The following PRDM10 variants were observed in gnomAD, a reference collection of about 807,000 sequenced individuals.
PRDM10 encodes the protein PR domain zinc finger protein 10.
A neutral mutation model predicts 133.1 loss-of-function variants in PRDM10; 65 were observed. That is an observed-to-expected ratio of 0.49 (90% CI 0.40 to 0.60). PRDM10 has a LOEUF of 0.60. Among genes scored for constraint, PRDM10 ranks in the 20% least tolerant of loss-of-function variants. PRDM10 has a pLI of 0.00. For synonymous variants in PRDM10, 582 were observed against 580.4 expected (o/e 1.00, Z -0.04); for missense variants, 1,137 against 1,507.1 (o/e 0.75, Z 4.07).
intron 13 of PRDM10, among the ~76,000 whole-genome samples, chr11:129,921,056 C>T (rs1378447260): frequency 6.6e-6 from 1 of 152,186 alleles, no homozygotes; most frequent in Non-Finnish European, 1.5e-5. Context: ...CTTGGCCTCC[C>T]AAAGTGCTGG....
In PRDM10 at chr11:129,955,586, G is replaced by T; in HGVS notation, c.235-15C>A. ...GTAAACAGAGTCTAAACAAACAAAC[G>T]AACAAAAAATTATCAGTAGCTCTTT... On this transcript the variant is annotated splice_polypyrimidine_tract_variant and intron_variant, in intron 3 of 20. Transcript: ENST00000360871. 6.2e-7 allele frequency: 1 copy of T among 1,611,764 alleles called. No individual in the cohort carries two copies.
intron 4 of PRDM10, among the ~76,000 whole-genome samples, chr11:129,952,132 G>A (rs2135901460): frequency 6.6e-6 from 1 of 152,334 alleles, no homozygotes; most frequent in African/African-American, 2.4e-5. Flanking sequence ...GGTTTGTGGA[G>A]CTGAGTACAA....
intron 19 of PRDM10, among the ~76,000 whole-genome samples, chr11:129,909,924 T>C (rs1277959125): frequency 1.3e-5 from 2 of 152,258 alleles, no homozygotes; most frequent in African/African-American, 2.4e-5. Context: ...CTCTGTTTAC[T>C]AGCTCTTGGA....
chr11:129,977,391 A>C (rs892880354), intron 1 of PRDM10, among the ~76,000 whole-genome samples: 2 of 151,658 alleles, frequency 1.3e-5, no homozygotes, highest in Non-Finnish European at 2.9e-5. Flanking sequence ...TCAAACGATT[A>C]TCCTGCCTCA....
chr11:129,968,977 A>G (rs1366498119), intron 1 of PRDM10, among the ~76,000 whole-genome samples: 1 of 152,166 alleles, frequency 6.6e-6, no homozygotes, highest in African/African-American at 2.4e-5. Context: ...GCAGCAAAAA[A>G]GGCTGGGTAG....
chr11:129,912,503 G>A (rs997119046), intron 17 of PRDM10, among the ~76,000 whole-genome samples: 31 of 152,246 alleles, frequency 2.0e-4, no homozygotes, highest in African/African-American at 7.5e-4. Flanking sequence ...TGTAATCCCA[G>A]CACTTTGGGA....
intron 1 of PRDM10, among the ~76,000 whole-genome samples, chr11:129,995,138 A>G (rs1035624839): frequency 6.6e-6 from 1 of 152,220 alleles, no homozygotes; most frequent in Non-Finnish European, 1.5e-5. Context: ...ATTACCATTC[A>G]TGGGTCCTTA....
At chr11:130,000,235 G>A (rs1318923751) in intron 1 of PRDM10, among the ~76,000 whole-genome samples, 25 of 152,086 alleles carry the variant, frequency 1.6e-4, no homozygotes, top group Non-Finnish European at 4.4e-5. Context: ...GTAGAGACAG[G>A]CTTTCACCAT....
chr11:129,955,438 C>T, intron 4 of PRDM10, 74 bp downstream of exon 4: 1 of 1,443,718 alleles, frequency 6.9e-7, no homozygotes, highest in Non-Finnish European at 9.7e-7. Context: ...TGGTGCAGTG[C>T]AAAGGGATGG....
intron 1 of PRDM10, among the ~76,000 whole-genome samples, chr11:129,980,835 G>C (rs1938062712): frequency 2.1e-5 from 3 of 146,148 alleles, no homozygotes; most frequent in African/African-American, 7.5e-5. Context: ...AAGATGGAGA[G>C]ATAGCTAAAG....
chr11:129,936,790 G>T (rs1238918970), intron 8 of PRDM10, among the ~76,000 whole-genome samples: 1 of 152,164 alleles, frequency 6.6e-6, no homozygotes, highest in Non-Finnish European at 1.5e-5. Context: ...TCCAGCTGGT[G>T]TCTGAAGTCA....
At chr11:129,991,463 C>G (rs1028699415) in intron 1 of PRDM10, among the ~76,000 whole-genome samples, 2 of 152,148 alleles carry the variant, frequency 1.3e-5, no homozygotes, top group African/African-American at 4.8e-5. Context: ...GTGGGCAGAT[C>G]ACCTGAGGTC....
chr11:129,983,174 C>T (rs903141539), intron 1 of PRDM10, among the ~76,000 whole-genome samples: 15 of 151,594 alleles, frequency 9.9e-5, no homozygotes, highest in Admixed American at 7.2e-4. Flanking sequence ...GACAAGTTTT[C>T]GCCATGTTGG....
rs140731247 is a variant in PRDM10, at chr11:129,935,065, G to A, written c.1157+36C>T. 1.4e-3 allele frequency: 2,080 copies of A among 1,526,016 alleles called. 25 individuals carry two copies. The African/African-American group carries it at 0.023, about 17-fold the overall frequency. The allele number at this position is 1,526,016 out of a possible 1,614,324, so 94.5% of individuals were successfully genotyped here. A position where few individuals can be genotyped will look rare whatever the true frequency, so the allele number is the denominator to read the frequency against. Reference sequence around the variant, plus strand: ...TATAGAAATGATTCTGAACCTTTATGAACTCAGTCTGTGAGCATTTCTCCC... The same window carrying A: ...TATAGAAATGATTCTGAACCTTTATAAACTCAGTCTGTGAGCATTTCTCCC... On this transcript the variant is annotated intron_variant, in intron 9 of 20. Coordinates refer to ENST00000360871, the MANE Select transcript of PRDM10 (RefSeq NM_199437.2).
At chr11:129,906,405 C>A (rs964173649) in intron 19 of PRDM10, among the ~76,000 whole-genome samples, 11 of 152,108 alleles carry the variant, frequency 7.2e-5, no homozygotes, top group African/African-American at 2.4e-4. Flanking sequence ...GGGGATCACT[C>A]GAGCATGGGT....
At chr11:129,908,334 C>T (rs1396056976) in intron 19 of PRDM10, among the ~76,000 whole-genome samples, 3 of 152,146 alleles carry the variant, frequency 2.0e-5, no homozygotes, top group Non-Finnish European at 4.4e-5. Flanking sequence ...TTAGACTACA[C>T]GTGGTGGCTC....
intron 7 of PRDM10, among the ~76,000 whole-genome samples, chr11:129,938,371 C>A (rs1179771726): frequency 6.6e-6 from 1 of 152,184 alleles, no homozygotes; most frequent in South Asian, 2.1e-4. Context: ...TGCTTTCCAA[C>A]TCACACCTCC....
chr11:129,980,745 T>A (rs7116294), intron 1 of PRDM10, among the ~76,000 whole-genome samples: 57,221 of 151,938 alleles, frequency 0.38, 13,316 homozygotes, highest in African/African-American at 0.64. Context: ...ACCACATATT[T>A]TATTTTTAAA....
At chr11:129,905,850 G>T (rs780715770) in intron 19 of PRDM10, 109 bp from the exon 20 acceptor site, 39 of 893,220 alleles carry the variant, frequency 4.4e-5, no homozygotes, top group Non-Finnish European at 6.2e-5. Context: ...CTTGCCATGA[G>T]AGTCTCACAA....
Sources: allele counts gnomAD v4.1 joint callset (sites outside exome capture counted in the v4.1 genomes callset), GRCh38; gene constraint gnomAD v4.1.1; transcripts MANE v1.5; gene names NCBI Gene and HGNC (gene_info 2026-07-23, HGNC 2026-07-21).